The following SF3B3 variants were observed in gnomAD, a reference collection of about 807,000 sequenced individuals.
SF3B3 encodes SAP 130.
A neutral mutation model predicts 139.2 loss-of-function variants in SF3B3; 33 were observed. That is an observed-to-expected ratio of 0.24 (90% CI 0.18 to 0.32). The LOEUF (loss-of-function observed/expected upper bound fraction) is 0.32. Ranked by LOEUF, SF3B3 falls within the 10% of genes least tolerant of loss-of-function variation. SF3B3 has a pLI of 1.00. For synonymous variants in SF3B3, 596 were observed against 563.6 expected (o/e 1.06, Z -0.81); for missense variants, 818 against 1,509.4 (o/e 0.54, Z 7.59).
At chr16:70,551,648 G>A (rs1424364637) in intron 11 of SF3B3, among the ~76,000 whole-genome samples, 1 of 152,176 alleles carries the variant, frequency 6.6e-6, no homozygotes. Context: ...GTTGCAGTGA[G>A]CTGAGATTGC....
intron 15 of SF3B3, 131 bp downstream of exon 15, chr16:70,557,160 A>G: frequency 1.1e-6 from 1 of 935,004 alleles, no homozygotes; most frequent in East Asian, 2.8e-5. Flanking sequence ...GAACAGTGTC[A>G]CTCTGGGTTC....
chr16:70,556,130 A>G (rs2050377891), intron 13 of SF3B3, 49 bp from the exon 14 acceptor site: 1 of 1,603,516 alleles, frequency 6.2e-7, no homozygotes, highest in East Asian at 2.2e-5. Context: ...TGGAGCATCT[A>G]GACCCATCCC....
chr16:70,530,690 A>C, intron 3 of SF3B3, 55 bp from the exon 4 acceptor site: 1 of 1,415,820 alleles, frequency 7.1e-7, no homozygotes, highest in Admixed American at 2.0e-5. Context: ...CTGTTCTATA[A>C]GTCTCTCTTC....
chr16:70,556,293 C>G lies in SF3B3; in HGVS notation c.1825C>G (p.Leu609Val). Residue 609 changes from leucine to valine, a missense_variant, in exon 14 of 26, where the codon CTT becomes GTT. Physicochemically the swap from Leu to Val is conservative, Grantham distance 32. Around this residue, in one of 14 missense-constraint regions of SF3B3, gnomAD observed 170 missense variants for 353.0 expected, o/e 0.48. Transcript: ENST00000302516. ...EQRSRFLAVGLVDNTVRIISL... is the reference protein window; with the variant it reads ...EQRSRFLAVGVVDNTVRIISL... Reference sequence around the variant, plus strand: ...GCGGTCTCGCTTCCTGGCTGTGGGGCTTGTGGACAACACTGTCAGAATCAT... The same window carrying G: ...GCGGTCTCGCTTCCTGGCTGTGGGGGTTGTGGACAACACTGTCAGAATCAT... 1 of 1,614,166 alleles carries G rather than the reference C, an allele frequency of 6.2e-7. No individual in the cohort carries two copies. Among genetic ancestry groups the G allele is most frequent in the Non-Finnish European group, 8.5e-7 (1 of 1,180,022 alleles).
intron 6 of SF3B3, among the ~76,000 whole-genome samples, chr16:70,535,994 A>G (rs2050162238): frequency 6.6e-6 from 1 of 152,178 alleles, no homozygotes; most frequent in Non-Finnish European, 1.5e-5. Flanking sequence ...GAGAACAAGG[A>G]CATTTTCCTA....
Position 70,576,646 on chromosome 16 carries a change from T to G in SF3B3, c.*4833T>G, listed in dbSNP as rs995265667. 1 of 152,134 alleles carries G rather than the reference T, an allele frequency of 6.6e-6. No individual in the cohort carries two copies. Among genetic ancestry groups the G allele is most frequent in the Non-Finnish European group, 1.5e-5 (1 of 68,034 alleles). 9.4% of individuals were successfully genotyped at this position (152,134 alleles called of 1,614,324 possible). On this transcript the variant is annotated 3_prime_UTR_variant, in exon 26 of 26. Coordinates refer to ENST00000302516, the MANE Select transcript of SF3B3 (RefSeq NM_012426.5). ...AGGACACACTGGGGAATCTCAGCTT[T>G]AGGGAGTCGATGATGTAACTGGAGA...
chr16:70,552,480 C>T (rs1322718236), intron 11 of SF3B3, among the ~76,000 whole-genome samples: 3 of 152,154 alleles, frequency 2.0e-5, no homozygotes, highest in Admixed American at 2.0e-4. Flanking sequence ...ATAACCATGT[C>T]CTTACTTGTT....
chr16:70,571,921 A>T lies in SF3B3; in HGVS notation c.*108A>T. On this transcript the variant is annotated 3_prime_UTR_variant, in exon 26 of 26. Transcript: ENST00000302516. ...GTGGCAGGAGGGTGACTGGATAATTAAGACTGCATTATGAAAGTCAACAGC... is the reference window on the plus strand; with the variant it reads ...GTGGCAGGAGGGTGACTGGATAATTTAGACTGCATTATGAAAGTCAACAGC... 7.6e-7 allele frequency: 1 copy of T among 1,307,214 alleles called. No individual in the cohort carries two copies. Among genetic ancestry groups the T allele is most frequent in the Non-Finnish European group, 1.1e-6 (1 of 938,584 alleles). The allele number at this position is 1,307,214 out of a possible 1,614,324, so 81.0% of individuals were successfully genotyped here. A position where few individuals can be genotyped will look rare whatever the true frequency, so the allele number is the denominator to read the frequency against.
intron 16 of SF3B3, chr16:70,561,298 G>T (rs1209848438): frequency 5.2e-6 from 1 of 191,080 alleles, no homozygotes; most frequent in East Asian, 1.4e-4. Context: ...TGGGATTACA[G>T]GCATGAGCCA....
rs2050544290 is a variant in SF3B3 at position 70,573,001 on chromosome 16, A to T, written c.*1188A>T. 6.6e-6 allele frequency: 1 copy of T among 152,168 alleles called. No homozygotes were observed. The highest frequency in any genetic ancestry group is 1.5e-5 in the Non-Finnish European group (1 of 68,040). 9.4% of individuals were successfully genotyped at this position (152,168 alleles called of 1,614,324 possible). On this transcript the variant is annotated 3_prime_UTR_variant, in exon 26 of 26. Coordinates refer to ENST00000302516, the MANE Select transcript of SF3B3 (RefSeq NM_012426.5). ...TCGTCTGCATGTGCTCAGCCATCTA[A>T]ATTGAGCAAATGATCTGGTGAGCAC...
At chr16:70,551,622 A>T (rs911523350) in intron 11 of SF3B3, among the ~76,000 whole-genome samples, 5 of 152,150 alleles carry the variant, frequency 3.3e-5, no homozygotes, top group South Asian at 2.1e-4. Flanking sequence ...GAATCGCTTG[A>T]ACCTGGGAGG....
At chr16:70,532,405 T>C (rs894860258) in intron 4 of SF3B3, 74 bp from the exon 5 acceptor site, 4 of 1,284,766 alleles carry the variant, frequency 3.1e-6, no homozygotes, top group Non-Finnish European at 1.1e-6. Context: ...CATTTGTAAA[T>C]TGGAGTCCTG....
intron 15 of SF3B3, among the ~76,000 whole-genome samples, chr16:70,559,975 T>G (rs1164976029): frequency 6.6e-6 from 1 of 152,160 alleles, no homozygotes; most frequent in African/African-American, 2.4e-5. Flanking sequence ...TATTTGAAGT[T>G]AGTTCTTTTG....
At chr16:70,568,213 A>T (rs2050495240) in intron 21 of SF3B3, 70 bp from the exon 22 acceptor site, 1 of 1,185,414 alleles carries the variant, frequency 8.4e-7, no homozygotes, top group Non-Finnish European at 1.3e-6. Context: ...TCATACGGAA[A>T]GCTGGGCTTT....
rs369611284 is a variant in SF3B3 at position 70,526,641 on chromosome 16, C to G, written c.-16C>G. 1.5e-5 allele frequency: 24 copies of G among 1,609,268 alleles called. No individual in the cohort carries two copies. Among genetic ancestry groups the G allele is most frequent in the Non-Finnish European group, 1.9e-5 (22 of 1,175,896 alleles). On this transcript the variant is annotated 5_prime_UTR_variant, in exon 2 of 26. Coordinates refer to ENST00000302516, the MANE Select transcript of SF3B3 (RefSeq NM_012426.5). ...CCAAGGCCTGGAGGTCTGGGTGGCT[C>G]AGGTTTCCTGCAGCCATGTTTCTGT...
In SF3B3 at chr16:70,573,691, G is replaced by A. The variant is rs1443655380; in HGVS notation, c.*1878G>A. ...TTAAGGGGACCTGATTGACTCCTGT[G>A]GTTTGATTGAGCAACCAGGTAAATA... is the stretch of plus-strand genomic sequence containing the variant. On this transcript the variant is annotated 3_prime_UTR_variant, in exon 26 of 26. Transcript: ENST00000302516. 3.9e-5 allele frequency: 6 copies of A among 152,212 alleles called. No homozygotes were observed. Among genetic ancestry groups the A allele is most frequent in the African/African-American group, 1.4e-4 (6 of 41,450 alleles). 9.4% of individuals were successfully genotyped at this position (152,212 alleles called of 1,614,324 possible). A position where few individuals can be genotyped will look rare whatever the true frequency, so the allele number is the denominator to read the frequency against.
chr16:70,557,077 T>G (rs748870522), intron 15 of SF3B3, 48 bp downstream of exon 15: 1 of 1,527,536 alleles, frequency 6.5e-7, no homozygotes, highest in South Asian at 1.3e-5. Flanking sequence ...CTTCTGTACG[T>G]TTCACACACT....
intron 6 of SF3B3, among the ~76,000 whole-genome samples, chr16:70,536,699 C>A (rs1315776478): frequency 1.3e-5 from 2 of 151,876 alleles, no homozygotes; most frequent in South Asian, 2.1e-4. Flanking sequence ...GCCATGTTGG[C>A]CATTCTCGTC....
In SF3B3 at chr16:70,538,339, C is replaced by T; in HGVS notation, c.842C>T (p.Pro281Leu). The T allele has an allele frequency of 1.2e-6, 2 of 1,613,916 alleles. No individual in the cohort carries two copies. Among genetic ancestry groups the T allele is most frequent in the Non-Finnish European group, 1.7e-6 (2 of 1,179,882 alleles). Residue 281 changes from proline (P) to leucine (L), a missense_variant, in exon 7 of 26, where the codon CCT becomes CTT. Pro to Leu is a moderately conservative substitution (Grantham distance 98). Transcript: ENST00000302516. ...CTTTGCTAGAATGACCTGGATGACCCTGAAAGAGGAATGATTTTTGTCTGC... is the reference window on the plus strand; with the variant it reads ...CTTTGCTAGAATGACCTGGATGACCTTGAAAGAGGAATGATTTTTGTCTGC... Reference protein sequence around the residue: ...IPRRRNDLDDPERGMIFVCSA... With the variant: ...IPRRRNDLDDLERGMIFVCSA...
Sources: allele counts gnomAD v4.1 joint callset (sites outside exome capture counted in the v4.1 genomes callset), GRCh38; gene constraint gnomAD v4.1.1; regional missense constraint gnomAD v4.1.1; transcripts MANE v1.5; gene names NCBI Gene and HGNC (gene_info 2026-07-23, HGNC 2026-07-21).